MUC4: variants seen among roughly 807,000 people sequenced by gnomAD.
MUC4 encodes mucin 4, cell surface associated.
Under a neutral mutation model 257.9 loss-of-function variants are expected in MUC4, and 202 were observed. That is an observed-to-expected ratio of 0.78 (90% CI 0.70 to 0.88). The LOEUF (loss-of-function observed/expected upper bound fraction) is 0.88. MUC4 is among the 40% of genes least tolerant of loss of function. The probability of loss-of-function intolerance (pLI) is 0.00; values close to 1 mark genes in which losing one functional copy is unlikely to be tolerated. For synonymous variants in MUC4, 2,351 were observed against 2,757.1 expected, an observed-to-expected ratio of 0.85 and a Z score of 4.62; for missense variants, 5,976 against 6,513.7, an observed-to-expected ratio of 0.92 and a Z score of 2.84.
chr3:195,758,070 A>C (rs1718020936), intron 17 of MUC4, among the ~76,000 whole-genome samples: 1 of 152,244 alleles, frequency 6.6e-6, no homozygotes, highest in Non-Finnish European at 1.5e-5. Context: ...AGAGAGGCAA[A>C]GAGAACGCAA....
chr3:195,752,195 TCTTGGGCCTTCCTCA>T, intron 21 of MUC4, 163 bp downstream of exon 21: 2 of 628,612 alleles, frequency 3.2e-6, no homozygotes, highest in Non-Finnish European at 5.6e-6. Context: ...GAGGTTTCTG[TCTTGGGCCTTCCTCA>T]CTTCCTAATG....
Position 195,747,149 on chromosome 3 carries a change from G to C in MUC4, c.*27C>G, listed in dbSNP as rs371212688. 7 of 1,613,700 alleles carry C rather than the reference G, an allele frequency of 4.3e-6. No individual in the cohort carries two copies. In the Admixed American group the frequency reaches 1.2e-4, roughly 27 times the overall value. ...GTGCGGTAAGGATGAGGTGAGTCTTGAGGTAGCCTAGGCCACAGCTGCCCC... is the reference window on the plus strand; with the variant it reads ...GTGCGGTAAGGATGAGGTGAGTCTTCAGGTAGCCTAGGCCACAGCTGCCCC... On this transcript the variant is annotated 3_prime_UTR_variant, in exon 25 of 25. Transcript: ENST00000463781.
chr3:195,767,540 T>TCACCACCACCAC (rs1406281561), intron 7 of MUC4, among the ~76,000 whole-genome samples: 2 of 65,736 alleles, frequency 3.0e-5, no homozygotes, highest in Non-Finnish European at 5.6e-5. Context: ...GCCACCACCA[T>TCACCACCACCAC]CATCACCATC....
At chr3:195,803,692 G>A (rs1279833054) in intron 1 of MUC4, among the ~76,000 whole-genome samples, 5 of 152,256 alleles carry the variant, frequency 3.3e-5, no homozygotes, top group Non-Finnish European at 7.3e-5. Context: ...CACAGGCAGG[G>A]AAATTGAGAT....
rs768733396 is a variant in MUC4 at position 195,778,305 on chromosome 3, C to G, written c.12941G>C (p.Arg4314Thr). ...TAAPIPILPERGVSLFPYGAG... is the reference protein window; with the variant it reads ...TAAPIPILPETGVSLFPYGAG... The stretch of plus-strand genomic sequence containing the variant: ...AGGCCTCACCTGTATGGCCTCACCT[C>G]TCTCAGGCAGGATGGGGATGGGGGC... The change falls in exon 3 of 25, where the codon AGA (arginine) becomes ACA (threonine). Residue 4314 changes from arginine (R) to threonine (T), a missense_variant and splice_region_variant. Coordinates refer to ENST00000463781, the MANE Select transcript of MUC4 (RefSeq NM_018406.7). The G allele has an allele frequency of 3.1e-6, 5 of 1,609,260 alleles. No homozygotes were observed. Among genetic ancestry groups the G allele is most frequent in the South Asian group, 1.1e-5 (1 of 90,718 alleles).
At chr3:195,763,072 G>A (rs1719586028) in intron 12 of MUC4, 127 bp from the exon 13 acceptor site, 1 of 779,696 alleles carries the variant, frequency 1.3e-6, no homozygotes, top group Non-Finnish European at 2.1e-6. Context: ...TGGAGGCCGC[G>A]GCCTGAGGTG....
Position 195,778,383 on chromosome 3 carries a change from T to A in MUC4, c.12863A>T (p.Gln4288Leu). The change falls in exon 3 of 25, where the codon CAG becomes CTG. Residue 4288 changes from glutamine to leucine, a missense_variant. Physicochemically the swap from Gln to Leu is moderately radical, Grantham distance 113. Transcript: ENST00000463781. The stretch of plus-strand genomic sequence containing the variant: ...GCTGGGAATGGTGGAAATGATGGTC[T>A]GGGAGGTTGTGGGGGGTGGTGATGT... ...TATSPPPTTSQTIISTIPSTA... is the reference protein window; with the variant it reads ...TATSPPPTTSLTIISTIPSTA... 1 of 1,613,244 alleles carries A rather than the reference T, an allele frequency of 6.2e-7. No homozygotes were observed. Among genetic ancestry groups the A allele is most frequent in the Non-Finnish European group, 8.5e-7 (1 of 1,179,910 alleles).
chr3:195,774,926 A>T (rs1260822864), intron 3 of MUC4, among the ~76,000 whole-genome samples: 2 of 151,838 alleles, frequency 1.3e-5, no homozygotes, highest in African/African-American at 4.8e-5. Flanking sequence ...AAATAGACAA[A>T]AGTCCAGCGC....
intron 1 of MUC4, among the ~76,000 whole-genome samples, chr3:195,801,458 T>C (rs930984960): frequency 6.6e-6 from 1 of 151,922 alleles, no homozygotes; most frequent in African/African-American, 2.4e-5. Context: ...GGCTCCCTCC[T>C]GCCCGGATGG....
At chr3:195,767,934 C>A (rs1258407948) in intron 7 of MUC4, among the ~76,000 whole-genome samples, 6 of 109,860 alleles carry the variant, frequency 5.5e-5, no homozygotes, top group African/African-American at 6.3e-5. Context: ...ACCTCCACCG[C>A]CACTACCACC....
chr3:195,762,404 AGCTGCACGCCCC>A, intron 13 of MUC4, 150 bp from the exon 14 acceptor site: 1 of 875,774 alleles, frequency 1.1e-6, no homozygotes, highest in Non-Finnish European at 1.7e-6. Flanking sequence ...GAGGCCGGCG[AGCTGCACGCCCC>A]GCTCGGGGGT....
Position 195,789,480 on chromosome 3 carries a change from G to C in MUC4, c.2100C>G (p.Thr700=). 1 of 1,613,982 alleles carries C rather than the reference G, an allele frequency of 6.2e-7. No homozygotes were observed. Among genetic ancestry groups the C allele is most frequent in the Non-Finnish European group, 8.5e-7 (1 of 1,179,882 alleles). ...SAATTFAPAP[T]GDGHTTQAPT... ...GGGCCTGGGTTGTGTGACCATCCCC[G>C]GTGGGAGCTGGGGCAAAGGTTGTTG... is the stretch of plus-strand genomic sequence containing the variant. Residue 700 remains threonine (T), a synonymous_variant, in exon 2 of 25, where the codon ACC becomes ACG. Transcript: ENST00000463781.
rs1265154414 is a variant in MUC4, at chr3:195,764,053, G to T, written c.14036C>A (p.Pro4679Gln). 1 of 1,610,152 alleles carries T rather than the reference G, an allele frequency of 6.2e-7. No individual in the cohort carries two copies. The highest frequency in any genetic ancestry group is 1.7e-5 in the Admixed American group (1 of 59,754). ...TGGGCCCTGTCGCTCACCGGGCTGTGGGGGCCTGTATGTAGCACAGCCCAC... is the reference window on the plus strand; with the variant it reads ...TGGGCCCTGTCGCTCACCGGGCTGTTGGGGCCTGTATGTAGCACAGCCCAC... Reference protein sequence around the residue: ...PHVGCATYRPPQPAWMFGDPH... With the variant: ...PHVGCATYRPQQPAWMFGDPH... The change falls in exon 11 of 25, where the codon CCA (proline) becomes CAA (glutamine). Residue 4679 changes from proline (P) to glutamine (Q), a missense_variant. Pro to Gln is a moderately conservative substitution (Grantham distance 76). Coordinates refer to ENST00000463781, the MANE Select transcript of MUC4 (RefSeq NM_018406.7).
chr3:195,768,895 C>A, intron 7 of MUC4, 127 bp downstream of exon 7: 1 of 1,251,630 alleles, frequency 8.0e-7, no homozygotes. Context: ...CTGGAGTCAG[C>A]GTGAGTCAGA....
intron 1 of MUC4, among the ~76,000 whole-genome samples, chr3:195,793,703 C>A (rs1734175459): frequency 6.6e-6 from 1 of 152,168 alleles, no homozygotes; most frequent in East Asian, 1.9e-4. Context: ...GGTGAATTAA[C>A]TGTGTTAAAC....
chr3:195,805,233 C>A (rs527529873), intron 1 of MUC4, among the ~76,000 whole-genome samples: 92 of 152,230 alleles, frequency 6.0e-4, no homozygotes, highest in African/African-American at 2.0e-3. Flanking sequence ...AAGTCACACC[C>A]CAACCCATGG....
chr3:195,811,489 T>G (rs1441660167), intron 1 of MUC4, among the ~76,000 whole-genome samples: 1 of 151,784 alleles, frequency 6.6e-6, no homozygotes, highest in Non-Finnish European at 1.5e-5. Flanking sequence ...CTTCTTTCTC[T>G]CTCCCTCTTC....
chr3:195,775,500 CCA>C (rs1724287738), intron 3 of MUC4, among the ~76,000 whole-genome samples: 1 of 12,536 alleles, frequency 8.0e-5, no homozygotes, highest in Non-Finnish European at 1.5e-4. Flanking sequence ...CCTTCCACAG[CCA>C]TACCTTCCAC....
chr3:195,802,614 G>A (rs1735489594), intron 1 of MUC4, among the ~76,000 whole-genome samples: 1 of 152,168 alleles, frequency 6.6e-6, no homozygotes, highest in Non-Finnish European at 1.5e-5. Flanking sequence ...TCAGAGACTG[G>A]TGACTGGCAT....
Sources: allele counts gnomAD v4.1 joint callset (sites outside exome capture counted in the v4.1 genomes callset), GRCh38; gene constraint gnomAD v4.1.1; transcripts MANE v1.5; gene names NCBI Gene and HGNC (gene_info 2026-07-23, HGNC 2026-07-21).